ITGA9: variants seen among roughly 807,000 people sequenced by gnomAD.
ITGA9 encodes integrin alpha-9.
ITGA9 carries 56 observed loss-of-function variants against 127.8 expected under a neutral mutation model. The ratio of observed to expected loss-of-function variants is 0.44; its 90% CI spans 0.35 to 0.55. The LOEUF is 0.55. ITGA9 is among the 20% of genes least tolerant of loss of function. ITGA9 has a pLI of 0.00. For missense variants in ITGA9, 1,196 were observed against 1,347.1 expected, an observed-to-expected ratio of 0.89 and a Z score of 1.76; for synonymous variants, 508 against 514.5, an observed-to-expected ratio of 0.99 and a Z score of 0.17.
At chr3:37,626,946 C>T (rs1249020685) in intron 15 of ITGA9, among the ~76,000 whole-genome samples, 4 of 152,178 alleles carry the variant, frequency 2.6e-5, no homozygotes, top group Non-Finnish European at 4.4e-5. Flanking sequence ...TTTTTAAACA[C>T]ATAAAGATTG....
At chr3:37,710,805 A>G (rs1385169444) in intron 18 of ITGA9, among the ~76,000 whole-genome samples, 2 of 152,186 alleles carry the variant, frequency 1.3e-5, no homozygotes. Context: ...TGAAGAGGGA[A>G]TGAGGGGCAA....
In ITGA9 at chr3:37,821,265, T is replaced by C. The variant is rs571756241; in HGVS notation, c.*2276T>C. ...GCAGCTGTCACTCAGAGTTCGCTTA[T>C]GAGTTTTATCAAAAGCAGCAAGAAA... On this transcript the variant is annotated 3_prime_UTR_variant, in exon 28 of 28. Coordinates refer to ENST00000264741, the MANE Select transcript of ITGA9 (RefSeq NM_002207.3). 1.2e-4 allele frequency: 18 copies of C among 152,364 alleles called. No homozygotes were observed. The highest frequency in any genetic ancestry group is 3.9e-4 in the Admixed American group (6 of 15,310). The allele number at this position is 152,364 out of a possible 1,614,324, so 9.4% of individuals were successfully genotyped here. A position where few individuals can be genotyped will look rare whatever the true frequency, so the allele number is the denominator to read the frequency against.
chr3:37,706,420 A>G (rs1279464646), intron 18 of ITGA9, among the ~76,000 whole-genome samples: 1 of 152,216 alleles, frequency 6.6e-6, no homozygotes, highest in Admixed American at 6.5e-5. Context: ...CCATAGATGC[A>G]TAGGTGCAGG....
rs550619471 is a variant in ITGA9, at chr3:37,780,750, A to G, written c.2787+729A>G. 3.3e-5 allele frequency among the ~76,000 whole-genome samples: 5 copies of G among 152,302 alleles called. No individual in the cohort carries two copies. The East Asian group carries it at 9.6e-4, about 29-fold the overall frequency. ...ATTTTTAGTTCTTTGAGAAATCTCG[A>G]TACTGCTTTTTTGATTGTACTAATT... On this transcript the variant is annotated intron_variant, in intron 25 of 27. Transcript: ENST00000264741.
intron 15 of ITGA9, among the ~76,000 whole-genome samples, chr3:37,605,078 G>A (rs1017646803): frequency 6.6e-6 from 1 of 152,168 alleles, no homozygotes; most frequent in Non-Finnish European, 1.5e-5. Context: ...AGTGCTATGA[G>A]GGGAATAGCC....
chr3:37,818,602 C>T, intron 27 of ITGA9: 2 of 452,176 alleles, frequency 4.4e-6, no homozygotes, highest in South Asian at 4.3e-5. Flanking sequence ...TTGAACAGCT[C>T]TCAGTAACTG....
At chr3:37,523,670 A>G (rs1345742092) in intron 12 of ITGA9, 59 bp downstream of exon 12, 4 of 1,215,430 alleles carry the variant, frequency 3.3e-6, no homozygotes, top group South Asian at 1.2e-5. Flanking sequence ...ATGAAGTAGA[A>G]TAATTTTCAG....
rs1696470542 is a variant in ITGA9, at chr3:37,744,044, C to T, written c.2433+10C>T. The T allele has an allele frequency of 1.3e-6, 2 of 1,554,064 alleles. No homozygotes were observed. The highest frequency in any genetic ancestry group is 1.8e-6 in the Non-Finnish European group (2 of 1,125,274). ...CAATATCACCCTTCAGGTACCCACT[C>T]CTGGAGACCTCCTCTGTCCGTGGGG... is the stretch of plus-strand genomic sequence containing the variant. On this transcript the variant is annotated intron_variant, in intron 22 of 27. Transcript: ENST00000264741.
At chr3:37,818,758 T>C in intron 27 of ITGA9, 133 bp from the exon 28 acceptor site, 2 of 715,554 alleles carry the variant, frequency 2.8e-6, no homozygotes, top group Non-Finnish European at 5.2e-6. Context: ...TTTTCTCTAA[T>C]CCGAGGGGTC....
At chr3:37,502,303 G>A (rs541376367) in intron 5 of ITGA9, among the ~76,000 whole-genome samples, 9 of 148,252 alleles carry the variant, frequency 6.1e-5, no homozygotes, top group South Asian at 4.3e-4. Context: ...AGACCTCTGC[G>A]TCCCGGGTTC....
chr3:37,751,732 C>T (rs964051730), intron 23 of ITGA9, among the ~76,000 whole-genome samples: 2 of 152,200 alleles, frequency 1.3e-5, no homozygotes, highest in Non-Finnish European at 2.9e-5. Flanking sequence ...GGCTATCGTT[C>T]TGGCTGAGTG....
rs1254470916 is a variant in ITGA9 at position 37,819,164 on chromosome 3, C to CACACG, written c.*178_*182dup. On this transcript the variant is annotated 3_prime_UTR_variant, in exon 28 of 28. Coordinates refer to ENST00000264741, the MANE Select transcript of ITGA9 (RefSeq NM_002207.3). ...CCTGAGGCAGCCACTTCGGCCAGGT[C>CACACG]ACACGACCGGGGCCAGCACCACTTC... The CACACG allele has an allele frequency of 2.9e-5, 19 of 651,876 alleles. No homozygotes were observed. Among genetic ancestry groups the CACACG allele is most frequent in the Admixed American group, 1.7e-4 (7 of 41,920 alleles). The allele number at this position is 651,876 out of a possible 1,614,324, so 40.4% of individuals were successfully genotyped here.
At chr3:37,790,333 C>G in intron 26 of ITGA9, 1 of 530,952 alleles carries the variant, frequency 1.9e-6, no homozygotes, top group Admixed American at 2.0e-5. Flanking sequence ...TCACAGGAGG[C>G]TGTTGGTAGA....
At chr3:37,693,765 GTTC>G (rs1700856015) in intron 18 of ITGA9, among the ~76,000 whole-genome samples, 1 of 152,208 alleles carries the variant, frequency 6.6e-6, no homozygotes, top group African/African-American at 2.4e-5. Flanking sequence ...CAACAGAATG[GTTC>G]TTAGGCAGAA....
At chr3:37,675,191 C>G (rs375050703) in intron 17 of ITGA9, among the ~76,000 whole-genome samples, 97 of 152,296 alleles carry the variant, frequency 6.4e-4, no homozygotes, top group Non-Finnish European at 1.1e-3. Flanking sequence ...TGCAGCCCCC[C>G]GCCTTTGCAG....
intron 18 of ITGA9, among the ~76,000 whole-genome samples, chr3:37,697,110 T>C (rs1037538606): frequency 6.6e-6 from 1 of 152,096 alleles, no homozygotes; most frequent in African/African-American, 2.4e-5. Context: ...AATATGTCTG[T>C]ATACAACTAA....
At chr3:37,477,054 T>A (rs189897) in intron 3 of ITGA9, among the ~76,000 whole-genome samples, 20,490 of 152,228 alleles carry the variant, frequency 0.13, 1,717 homozygotes, top group Non-Finnish European at 0.18. Flanking sequence ...AAAAACAAGA[T>A]ACAGTGAGTG....
intron 18 of ITGA9, among the ~76,000 whole-genome samples, chr3:37,689,095 C>G (rs1318603511): frequency 6.6e-6 from 1 of 151,990 alleles, no homozygotes; most frequent in Non-Finnish European, 1.5e-5. Context: ...GATGATTATT[C>G]ATTTTGTGCA....
intron 15 of ITGA9, among the ~76,000 whole-genome samples, chr3:37,625,985 G>T (rs141027948): frequency 6.6e-6 from 1 of 152,286 alleles, no homozygotes; most frequent in Non-Finnish European, 1.5e-5. Flanking sequence ...TTGCCAGGAA[G>T]CAGCATTCGC....
Sources: gnomAD v4.1 joint callset for allele counts (sites outside exome capture counted in the v4.1 genomes callset) on GRCh38, gnomAD v4.1.1 for gene constraint, MANE v1.5 for transcripts, NCBI Gene and HGNC (gene_info 2026-07-23, HGNC 2026-07-21) for gene names.